CHSY3: variants seen among roughly 807,000 people sequenced by gnomAD.
CHSY3 encodes the protein N-acetylgalactosaminyl-proteoglycan 3-beta-glucuronosyltransferase 3.
Under a neutral mutation model 67.2 loss-of-function variants are expected in CHSY3, and 35 were observed. That is an observed-to-expected ratio of 0.52 (90% CI 0.40 to 0.69). The LOEUF (loss-of-function observed/expected upper bound fraction) is 0.69. CHSY3 is among the 30% of genes least tolerant of loss of function. The pLI, the probability that CHSY3 is intolerant of heterozygous loss-of-function variation, is 0.00. For synonymous variants in CHSY3, 474 were observed against 434.7 expected, an observed-to-expected ratio of 1.09 and a Z score of -1.12; for missense variants, 1,069 against 1,138.5, an observed-to-expected ratio of 0.94 and a Z score of 0.88.
At chr5:130,020,448 TA>T (rs56911483) in intron 2 of CHSY3, among the ~76,000 whole-genome samples, 598 of 9,568 alleles carry the variant, frequency 0.062, 13 homozygotes, top group Non-Finnish European at 0.089. Context: ...TATATATATA[TA>T]TATATATATA....
At chr5:130,075,955 A>C (rs1766235555) in intron 2 of CHSY3, among the ~76,000 whole-genome samples, 1 of 152,154 alleles carries the variant, frequency 6.6e-6, no homozygotes, top group Non-Finnish European at 1.5e-5. Flanking sequence ...TTAGCTATCA[A>C]GGCTTAAAAT....
At chr5:130,025,992 C>G (rs1764530562) in intron 2 of CHSY3, among the ~76,000 whole-genome samples, 1 of 152,072 alleles carries the variant, frequency 6.6e-6, no homozygotes, top group Non-Finnish European at 1.5e-5. Context: ...TGGATAGCCC[C>G]TTGCAGGCAT....
In CHSY3 at chr5:130,105,971, A is replaced by C. The variant is rs184091095; in HGVS notation, c.1087-78258A>C. ...GAACTAGGTTGCTGTTCTTTTTTTA[A>C]AAAAATTCTGATAAACAGGGTTTTG... On this transcript the variant is annotated intron_variant, in intron 2 of 2. Coordinates refer to ENST00000305031, the MANE Select transcript of CHSY3 (RefSeq NM_175856.5). Among the ~76,000 whole-genome samples the C allele has an allele frequency of 9.7e-4, 147 of 151,642 alleles. 1 individual carries two copies. Among genetic ancestry groups the C allele is most frequent in the Admixed American group, 4.7e-3 (72 of 15,196 alleles).
At chr5:129,916,523 C>A (rs754672224) in intron 2 of CHSY3, among the ~76,000 whole-genome samples, 1 of 151,964 alleles carries the variant, frequency 6.6e-6, no homozygotes, top group Non-Finnish European at 1.5e-5. Context: ...ATGGAAAAAT[C>A]GGCATTTTTA....
At chr5:130,030,137 AT>A (rs1417325019) in intron 2 of CHSY3, among the ~76,000 whole-genome samples, 1 of 151,792 alleles carries the variant, frequency 6.6e-6, no homozygotes, top group Non-Finnish European at 1.5e-5. Flanking sequence ...GTTTTTTATT[AT>A]TTTGTCTATA....
chr5:129,905,909 T>TCA, intron 1 of CHSY3: 36 of 622,672 alleles, frequency 5.8e-5, no homozygotes, highest in South Asian at 1.5e-4. Flanking sequence ...CCCTTAGTCT[T>TCA]TACCTCGTCG....
intron 2 of CHSY3, among the ~76,000 whole-genome samples, chr5:130,172,500 T>G (rs1423774253): frequency 6.6e-6 from 1 of 151,886 alleles, no homozygotes; most frequent in African/African-American, 2.4e-5. Context: ...CCAGCTAATT[T>G]TTCTATGTTT....
chr5:130,045,479 G>A (rs760127324), intron 2 of CHSY3, among the ~76,000 whole-genome samples: 22 of 152,080 alleles, frequency 1.4e-4, no homozygotes, highest in Non-Finnish European at 1.3e-4. Context: ...GGGGATGAAA[G>A]TCTGAGTCAT....
intron 2 of CHSY3, among the ~76,000 whole-genome samples, chr5:130,151,959 ACAT>A (rs571198722): frequency 2.5e-4 from 38 of 152,346 alleles, no homozygotes; most frequent in African/African-American, 9.1e-4. Context: ...CATTGTAGAT[ACAT>A]CTGAGAAGTT....
chr5:130,123,488 C>T (rs918055093), intron 2 of CHSY3, among the ~76,000 whole-genome samples: 1 of 152,148 alleles, frequency 6.6e-6, no homozygotes, highest in African/African-American at 2.4e-5. Context: ...CGTTCCTTCT[C>T]CTATGATAAT....
intron 2 of CHSY3, among the ~76,000 whole-genome samples, chr5:130,131,348 T>G (rs894417932): frequency 2.6e-5 from 4 of 152,122 alleles, no homozygotes; most frequent in Non-Finnish European, 2.9e-5. Flanking sequence ...GCCTCCTGAC[T>G]CTCTCTGCTG....
At chr5:129,981,441 C>T (rs1762982312) in intron 2 of CHSY3, among the ~76,000 whole-genome samples, 1 of 151,966 alleles carries the variant, frequency 6.6e-6, no homozygotes, top group Non-Finnish European at 1.5e-5. Flanking sequence ...GGACTTTCTG[C>T]AGATGATCAT....
At chr5:130,182,918 T>C (rs1770292656) in intron 2 of CHSY3, among the ~76,000 whole-genome samples, 1 of 152,082 alleles carries the variant, frequency 6.6e-6, no homozygotes, top group Admixed American at 6.6e-5. Context: ...TTACTTTTTA[T>C]CTTTTTTAAG....
chr5:129,910,478 T>C (rs1760498029), intron 2 of CHSY3, among the ~76,000 whole-genome samples: 1 of 152,064 alleles, frequency 6.6e-6, no homozygotes, highest in African/African-American at 2.4e-5. Context: ...AAACAGTATT[T>C]ATTTAAGGGA....
intron 2 of CHSY3, among the ~76,000 whole-genome samples, chr5:130,059,814 T>C (rs2149675880): frequency 6.6e-6 from 1 of 152,274 alleles, no homozygotes; most frequent in South Asian, 2.1e-4. Flanking sequence ...AAATTAATTT[T>C]ATTCACATCA....
intron 2 of CHSY3, among the ~76,000 whole-genome samples, chr5:130,113,966 G>A (rs1767679497): frequency 6.6e-6 from 1 of 151,990 alleles, no homozygotes; most frequent in South Asian, 2.1e-4. Flanking sequence ...TTGGAATGTG[G>A]GAAAATGATA....
At position 130,185,625 on chromosome 5, in the gene CHSY3, G is replaced by A; in HGVS notation, c.2483G>A (p.Gly828Glu). Residue 828 changes from glycine to glutamate, a missense_variant, in exon 3 of 3, where the codon GGA (glycine) becomes GAA (glutamate). Gly to Glu is a moderately conservative substitution (Grantham distance 98). Around this residue, in one of 5 missense-constraint regions of CHSY3, gnomAD observed 139 missense variants for 152.8 expected, o/e 0.91. Coordinates refer to ENST00000305031, the MANE Select transcript of CHSY3 (RefSeq NM_175856.5). ...AGGCCATTCAGAAGCCAAGAAGTAG[G>A]AGTGGTGCATATTTTCCATCCAGTT... ...GLRPFRSQEV[G>E]VVHIFHPVHC... 3 of 1,614,066 alleles carry A rather than the reference G, an allele frequency of 1.9e-6. No homozygotes were observed. The highest frequency in any genetic ancestry group is 2.5e-6 in the Non-Finnish European group (3 of 1,179,966).
chr5:130,160,306 TCTC>T (rs1427590749), intron 2 of CHSY3, among the ~76,000 whole-genome samples: 1 of 152,174 alleles, frequency 6.6e-6, no homozygotes, highest in Admixed American at 6.5e-5. Context: ...AAGCTTCTCA[TCTC>T]CTCACTACCA....
At chr5:129,961,251 G>A (rs946554743) in intron 2 of CHSY3, among the ~76,000 whole-genome samples, 1 of 152,046 alleles carries the variant, frequency 6.6e-6, no homozygotes, top group East Asian at 1.9e-4. Flanking sequence ...GTCAGTAAAA[G>A]CAGGGAAGGT....
Sources: gnomAD v4.1 joint callset for allele counts (sites outside exome capture counted in the v4.1 genomes callset) on GRCh38, gnomAD v4.1.1 for gene constraint, gnomAD v4.1.1 regional missense constraint, MANE v1.5 for transcripts, NCBI Gene and HGNC (gene_info 2026-07-23, HGNC 2026-07-21) for gene names.